The following MAGI3 variants were observed in gnomAD, a reference collection of about 807,000 sequenced individuals.
The protein encoded by MAGI3 is membrane associated guanylate kinase, WW and PDZ domain containing 3, also known as membrane-associated guanylate kinase, WW and PDZ domain-containing protein 3.
Under a neutral mutation model 121.8 loss-of-function variants are expected in MAGI3, and 43 were observed. The ratio of observed to expected loss-of-function variants is 0.35; its 90% CI spans 0.28 to 0.46. MAGI3 has a LOEUF of 0.46. Among genes scored for constraint, MAGI3 ranks in the 20% least tolerant of loss-of-function variants. The pLI, the probability that MAGI3 is intolerant of heterozygous loss-of-function variation, is 1.00. For synonymous variants in MAGI3, 553 were observed against 639.3 expected, an observed-to-expected ratio of 0.86 and a Z score of 2.04; for missense variants, 1,547 against 1,797.3, an observed-to-expected ratio of 0.86 and a Z score of 2.52.
intron 1 of MAGI3, chr1:113,450,025 G>A: frequency 1.3e-6 from 2 of 1,567,018 alleles, no homozygotes; most frequent in East Asian, 2.2e-5. Flanking sequence ...ATTTTTGTTG[G>A]TGGTATTAAA....
chr1:113,678,113 G>GTTT (rs11447632), intron 19 of MAGI3, among the ~76,000 whole-genome samples: 1 of 147,426 alleles, frequency 6.8e-6, no homozygotes, highest in Non-Finnish European at 1.5e-5. Context: ...AGTTTTTGTT[G>GTTT]TTTTTTTTTT....
At chr1:113,579,052 GTAA>G (rs1327852550) in intron 2 of MAGI3, among the ~76,000 whole-genome samples, 4 of 152,130 alleles carry the variant, frequency 2.6e-5, no homozygotes, top group African/African-American at 9.7e-5. Context: ...TTAACTTACA[GTAA>G]TAATAAGAGC....
chr1:113,557,660 G>A (rs1660054213), intron 2 of MAGI3, among the ~76,000 whole-genome samples: 1 of 152,184 alleles, frequency 6.6e-6, no homozygotes, highest in Non-Finnish European at 1.5e-5. Context: ...AGGCCTTGGA[G>A]AGCCCAGACC....
chr1:113,566,918 A>G (rs146033861), intron 2 of MAGI3, among the ~76,000 whole-genome samples: 6 of 152,074 alleles, frequency 3.9e-5, no homozygotes, highest in African/African-American at 1.4e-4. Context: ...AGTCAGCACA[A>G]AGAAGGAAAT....
rs1652583137 is a variant in MAGI3 at position 113,642,214 on chromosome 1, G to A, written c.1664G>A (p.Gly555Glu). The A allele has an allele frequency of 6.2e-7, 1 of 1,614,004 alleles. No individual in the cohort carries two copies. The highest frequency in any genetic ancestry group is 8.5e-7 in the Non-Finnish European group (1 of 1,180,034). Reference sequence around the variant, plus strand: ...ACTTTGACTGGTGATGGTCTCAATGGACCATCAGATGCAAGTGAGCAGAGA... The same window carrying A: ...ACTTTGACTGGTGATGGTCTCAATGAACCATCAGATGCAAGTGAGCAGAGA... ...GHTLTGDGLN[G>E]PSDASEQRVS... Residue 555 changes from glycine (G) to glutamate (E), a missense_variant, in exon 10 of 21, where the codon GGA becomes GAA. Physicochemically the swap from Gly to Glu is moderately conservative, Grantham distance 98 (BLOSUM62 -2). Coordinates refer to ENST00000307546, the MANE Select transcript of MAGI3 (RefSeq NM_001142782.2).
chr1:113,416,449 T>C (rs56095319), intron 1 of MAGI3, among the ~76,000 whole-genome samples: 2 of 906 alleles, frequency 2.2e-3, no homozygotes, highest in South Asian at 0.083. Flanking sequence ...ATATATGATT[T>C]ATATATTAAT....
At chr1:113,640,393 G>A (rs1456047967) in intron 9 of MAGI3, among the ~76,000 whole-genome samples, 1 of 152,016 alleles carries the variant, frequency 6.6e-6, no homozygotes, top group Non-Finnish European at 1.5e-5. Context: ...TATACCCAAA[G>A]GAATATAAAT....
intron 16 of MAGI3, among the ~76,000 whole-genome samples, chr1:113,661,971 G>A (rs12145894): frequency 0.011 from 1,743 of 152,262 alleles, 14 homozygotes; most frequent in Non-Finnish European, 0.019. Context: ...CATGGAGTTT[G>A]TAAGCCTTCC....
chr1:113,392,927 T>TTACAA (rs1650905192), intron 1 of MAGI3, among the ~76,000 whole-genome samples: 1 of 152,192 alleles, frequency 6.6e-6, no homozygotes, highest in Non-Finnish European at 1.5e-5. Context: ...ATCCCATGAG[T>TTACAA]TAGTGAATAG....
chr1:113,532,907 AC>A (rs1346103548), intron 1 of MAGI3, among the ~76,000 whole-genome samples: 2 of 152,212 alleles, frequency 1.3e-5, no homozygotes, highest in Non-Finnish European at 2.9e-5. Context: ...CTTACAACAG[AC>A]TTTTTCCAAC....
At chr1:113,535,715 G>A (rs1658944820) in intron 1 of MAGI3, among the ~76,000 whole-genome samples, 1 of 151,936 alleles carries the variant, frequency 6.6e-6, no homozygotes, top group Non-Finnish European at 1.5e-5. Context: ...ACTTATTACC[G>A]CACATCTCTT....
chr1:113,481,854 G>A (rs2101564543), intron 1 of MAGI3, among the ~76,000 whole-genome samples: 1 of 152,244 alleles, frequency 6.6e-6, no homozygotes, highest in Admixed American at 6.5e-5. Context: ...TGGGGCCAAA[G>A]TCAAGATGTC....
chr1:113,614,566 A>C, intron 6 of MAGI3, 35 bp from the exon 7 acceptor site: 1 of 1,497,876 alleles, frequency 6.7e-7, no homozygotes, highest in Non-Finnish European at 9.3e-7. Context: ...GTCAGTTTTG[A>C]ATCTGGCATT....
rs1653868455 is a variant in MAGI3 at position 113,440,704 on chromosome 1, T to C, written c.316+49355T>C. ...GCTCCCTCATATAAAGTTACAGAAG[T>C]GTCTTGTACAGTTCTGGTGGTGGTG... On this transcript the variant is annotated intron_variant, in intron 1 of 20. Coordinates refer to ENST00000307546, the MANE Select transcript of MAGI3 (RefSeq NM_001142782.2). 2.6e-5 allele frequency among the ~76,000 whole-genome samples: 4 copies of C among 152,330 alleles called. No homozygotes were observed. The South Asian group carries it at 6.2e-4, about 24-fold the overall frequency.
At chr1:113,649,382 G>A (rs1653031719) in intron 13 of MAGI3, 54 bp downstream of exon 13, 3 of 1,257,870 alleles carry the variant, frequency 2.4e-6, no homozygotes, top group South Asian at 1.4e-5. Flanking sequence ...GTTTTGAGTG[G>A]TGATTTGGTG....
Position 113,593,688 on chromosome 1 carries a change from A to C in MAGI3, c.939-793A>C, listed in dbSNP as rs1192077069. Among the ~76,000 whole-genome samples the C allele has an allele frequency of 2.6e-5, 4 of 152,246 alleles. No individual in the cohort carries two copies. The East Asian group carries it at 7.7e-4, about 29-fold the overall frequency. On this transcript the variant is annotated intron_variant, in intron 5 of 20. Coordinates refer to ENST00000307546, the MANE Select transcript of MAGI3 (RefSeq NM_001142782.2). Reference sequence around the variant, plus strand: ...CTGTTTGTCCACTAAGCAATGAGATAGTTTCATTTCGGCGTTAGTATCTGC... The same window carrying C: ...CTGTTTGTCCACTAAGCAATGAGATCGTTTCATTTCGGCGTTAGTATCTGC...
chr1:113,601,548 C>T (rs1205202738), intron 6 of MAGI3, among the ~76,000 whole-genome samples: 11 of 148,832 alleles, frequency 7.4e-5, no homozygotes, highest in Non-Finnish European at 1.3e-4. Context: ...GTTAGAATGG[C>T]AATCATTAAA....
intron 9 of MAGI3, among the ~76,000 whole-genome samples, chr1:113,641,688 C>G (rs1217868140): frequency 6.6e-6 from 1 of 151,044 alleles, no homozygotes; most frequent in African/African-American, 2.4e-5. Flanking sequence ...AGTCAAAATT[C>G]TTTGCTACTG....
intron 16 of MAGI3, among the ~76,000 whole-genome samples, chr1:113,664,767 T>C (rs1224960900): frequency 6.6e-6 from 1 of 152,252 alleles, no homozygotes. Context: ...TGTCTTATTA[T>C]TTAATTTGCA....
Sources: allele counts gnomAD v4.1 joint callset (sites outside exome capture counted in the v4.1 genomes callset), GRCh38; gene constraint gnomAD v4.1.1; transcripts MANE v1.5; gene names NCBI Gene and HGNC (gene_info 2026-07-23, HGNC 2026-07-21).